Variants in FHOD3 observed in about 807,000 individuals in gnomAD.
The protein encoded by FHOD3 is FH1/FH2 domain-containing protein 3.
Under a neutral mutation model 173.0 loss-of-function variants are expected in FHOD3, and 90 were observed. The observed-to-expected ratio is 0.52, with a 90% confidence interval of 0.44 to 0.62. The LOEUF (loss-of-function observed/expected upper bound fraction) is 0.62. FHOD3 is among the 20% of genes least tolerant of loss of function. The pLI, the probability that FHOD3 is intolerant of heterozygous loss-of-function variation, is 0.00. For synonymous variants in FHOD3, 828 were observed against 823.0 expected (o/e 1.01, Z -0.10); for missense variants, 1,945 against 2,034.7 (o/e 0.96, Z 0.85).
At chr18:36,598,888 A>G (rs937231341) in intron 7 of FHOD3, among the ~76,000 whole-genome samples, 6 of 152,180 alleles carry the variant, frequency 3.9e-5, no homozygotes, top group African/African-American at 1.4e-4. Flanking sequence ...GACCCAGGCT[A>G]TTGCACTTTT....
chr18:36,659,279 A>T (rs1040157614), intron 14 of FHOD3, among the ~76,000 whole-genome samples: 2 of 152,146 alleles, frequency 1.3e-5, no homozygotes, highest in African/African-American at 2.4e-5. Flanking sequence ...TACGGTGTCA[A>T]GCTCTCAGAT....
chr18:36,532,542 A>G (rs1468242222), intron 5 of FHOD3, among the ~76,000 whole-genome samples: 1 of 152,152 alleles, frequency 6.6e-6, no homozygotes, highest in Non-Finnish European at 1.5e-5. Flanking sequence ...TTCCTTCCCC[A>G]TCAGAAATAT....
intron 27 of FHOD3, among the ~76,000 whole-genome samples, chr18:36,766,412 G>A (rs1463306029): frequency 1.3e-5 from 2 of 152,170 alleles, no homozygotes. Flanking sequence ...GTGGTATTGT[G>A]CTATTATGGT....
intron 19 of FHOD3, among the ~76,000 whole-genome samples, chr18:36,720,453 G>A (rs1288922367): frequency 6.6e-6 from 1 of 151,876 alleles, no homozygotes; most frequent in Non-Finnish European, 1.5e-5. Flanking sequence ...GGCCAGGCTG[G>A]TCTCAAACTC....
intron 11 of FHOD3, 33 bp from the exon 12 acceptor site, chr18:36,652,537 T>C (rs1379756590): frequency 4.7e-6 from 7 of 1,495,930 alleles, no homozygotes; most frequent in Non-Finnish European, 6.2e-6. Context: ...AATCTTTTTT[T>C]CTTCTTCCTC....
At chr18:36,626,527 G>C (rs2034122317) in intron 10 of FHOD3, among the ~76,000 whole-genome samples, 1 of 152,162 alleles carries the variant, frequency 6.6e-6, no homozygotes, top group South Asian at 2.1e-4. Flanking sequence ...CAGAGTCTGG[G>C]TCCAGTTGTA....
At chr18:36,470,400 C>T (rs578240317) in intron 3 of FHOD3, among the ~76,000 whole-genome samples, 20 of 152,324 alleles carry the variant, frequency 1.3e-4, no homozygotes, top group Non-Finnish European at 2.5e-4. Flanking sequence ...TTACCGTTCA[C>T]GTCTATGACG....
chr18:36,341,017 G>A (rs976134005), intron 1 of FHOD3, among the ~76,000 whole-genome samples: 2 of 152,200 alleles, frequency 1.3e-5, no homozygotes, highest in Non-Finnish European at 2.9e-5. Flanking sequence ...CCTCTTCCTT[G>A]TATTCTCTTG....
intron 1 of FHOD3, among the ~76,000 whole-genome samples, chr18:36,334,474 G>A (rs2045197193): frequency 6.6e-6 from 1 of 152,194 alleles, no homozygotes; most frequent in Non-Finnish European, 1.5e-5. Context: ...GTCTTACACA[G>A]AACAGATGTT....
intron 3 of FHOD3, among the ~76,000 whole-genome samples, chr18:36,401,744 A>C (rs1026279321): frequency 2.0e-5 from 3 of 152,030 alleles, no homozygotes; most frequent in African/African-American, 7.3e-5. Context: ...TCTGTTGAAA[A>C]CCTGTGAGGG....
chr18:36,763,222 G>A (rs1239915096), intron 27 of FHOD3, among the ~76,000 whole-genome samples: 2 of 140,446 alleles, frequency 1.4e-5, no homozygotes, highest in Non-Finnish European at 3.1e-5. Context: ...TGTACTATAC[G>A]TTATATACAA....
intron 3 of FHOD3, among the ~76,000 whole-genome samples, chr18:36,470,296 A>G (rs951566045): frequency 2.6e-5 from 4 of 152,226 alleles, no homozygotes; most frequent in Non-Finnish European, 5.9e-5. Context: ...CTCAATAAAT[A>G]TTAGTGACAT....
intron 1 of FHOD3, among the ~76,000 whole-genome samples, chr18:36,313,887 CTT>C (rs112546518): frequency 8.3e-5 from 12 of 143,728 alleles, no homozygotes; most frequent in East Asian, 2.0e-4. Context: ...AATAATTTGT[CTT>C]TTTTTTTTTT....
At chr18:36,543,042 T>G (rs1384628709) in intron 5 of FHOD3, among the ~76,000 whole-genome samples, 2 of 152,178 alleles carry the variant, frequency 1.3e-5, no homozygotes. Flanking sequence ...GTGAACCACA[T>G]CCAATCAGTC....
chr18:36,516,441 G>A (rs1201829584), intron 5 of FHOD3, among the ~76,000 whole-genome samples: 2 of 152,194 alleles, frequency 1.3e-5, no homozygotes, highest in Non-Finnish European at 2.9e-5. Flanking sequence ...CTGAGGATTG[G>A]CCCCGAAGCT....
chr18:36,632,046 C>T (rs948555227), intron 10 of FHOD3, among the ~76,000 whole-genome samples: 1 of 152,170 alleles, frequency 6.6e-6, no homozygotes. Flanking sequence ...TGAACATACA[C>T]ACTGGTGCAC....
At chr18:36,617,975 T>G (rs942420554) in intron 9 of FHOD3, among the ~76,000 whole-genome samples, 1 of 152,174 alleles carries the variant, frequency 6.6e-6, no homozygotes, top group Admixed American at 6.5e-5. Context: ...ATTAGTCTGT[T>G]ATGAATATTT....
Position 36,525,825 on chromosome 18 carries a change from T to A in FHOD3, c.511+13282T>A, listed in dbSNP as rs142437025. 1.2e-3 allele frequency among the ~76,000 whole-genome samples: 184 copies of A among 152,300 alleles called. 5 individuals are homozygous for A. Among genetic ancestry groups the A allele is most frequent in the Admixed American group, 9.3e-3 (142 of 15,300 alleles). ...ATGTGGGTCTCCCAACTGTTGACAA[T>A]GTCCAGGACCACTGCAATAAAGGAC... is the stretch of plus-strand genomic sequence containing the variant. On this transcript the variant is annotated intron_variant, in intron 5 of 28. Transcript: ENST00000590592.
intron 5 of FHOD3, among the ~76,000 whole-genome samples, chr18:36,530,028 G>A (rs1370002510): frequency 1.3e-5 from 2 of 151,316 alleles, no homozygotes; most frequent in African/African-American, 2.4e-5. Flanking sequence ...GGTCATGGGG[G>A]GTGGGAACAC....
Sources: allele counts gnomAD v4.1 joint callset (sites outside exome capture counted in the v4.1 genomes callset), GRCh38; gene constraint gnomAD v4.1.1; transcripts MANE v1.5; gene names NCBI Gene and HGNC (gene_info 2026-07-23, HGNC 2026-07-21).